The following ALPK2 variants were observed in gnomAD, a reference collection of about 807,000 sequenced individuals.
ALPK2 encodes alpha-protein kinase 2.
A neutral mutation model predicts 163.1 loss-of-function variants in ALPK2; 127 were observed. The observed-to-expected ratio is 0.78, with a 90% CI of 0.67 to 0.90. The LOEUF (loss-of-function observed/expected upper bound fraction) is 0.90. ALPK2 is among the 40% of genes least tolerant of loss of function. The probability of loss-of-function intolerance (pLI) is 0.00; values close to 1 mark genes in which losing one functional copy is unlikely to be tolerated. For synonymous variants in ALPK2, 953 were observed against 959.1 expected, an observed-to-expected ratio of 0.99 and a Z score of 0.12; for missense variants, 2,360 against 2,589.6, an observed-to-expected ratio of 0.91 and a Z score of 1.92.
intron 4 of ALPK2, among the ~76,000 whole-genome samples, chr18:58,559,245 G>A (rs1225863713): frequency 6.6e-6 from 1 of 152,186 alleles, no homozygotes; most frequent in Non-Finnish European, 1.5e-5. Context: ...CTGGGGTTGG[G>A]GTGAGGGGAA....
chr18:58,520,694 G>T (rs1160117615), intron 8 of ALPK2, among the ~76,000 whole-genome samples: 3 of 152,062 alleles, frequency 2.0e-5, no homozygotes, highest in African/African-American at 4.8e-5. Flanking sequence ...GGCTTCATTT[G>T]GTCCATCATT....
Position 58,536,435 on chromosome 18 carries a change from G to T in ALPK2, c.3752C>A (p.Pro1251Gln). ...LEASASEIWP[P>Q]RQLTNSESKA... ...GCTCTCAGAATTTGTCAGTTGTCGT[G>T]GTGGCCAGATTTCAGAAGCGGAAGC... Residue 1251 changes from proline (P) to glutamine (Q), a missense_variant, in exon 5 of 13, where the codon CCA becomes CAA. By Grantham distance (76) the Pro-to-Gln change is moderately conservative. Transcript: ENST00000361673. 1 of 1,614,112 alleles carries T rather than the reference G, an allele frequency of 6.2e-7. No homozygotes were observed. Among genetic ancestry groups the T allele is most frequent in the Non-Finnish European group, 8.5e-7 (1 of 1,180,028 alleles).
chr18:58,579,794 C>T lies in ALPK2; in HGVS notation c.982G>A (p.Glu328Lys). The T allele has an allele frequency of 1.2e-6, 2 of 1,614,210 alleles. No individual in the cohort carries two copies. Among genetic ancestry groups the T allele is most frequent in the Non-Finnish European group, 1.7e-6 (2 of 1,180,028 alleles). Residue 328 changes from glutamate (E) to lysine (K), a missense_variant, in exon 4 of 13, where the codon GAG becomes AAG. Coordinates refer to ENST00000361673, the MANE Select transcript of ALPK2 (RefSeq NM_052947.4). The stretch of plus-strand genomic sequence containing the variant: ...ATAACATCAGAACATTCCAGATACT[C>T]CAGGTCATCATCTGAAAACTCCTCG... The part of the protein sequence containing the change: ...YTEEFSDDDL[E>K]YLECSDVMTD...
At chr18:58,610,613 G>A (rs1774743225) in intron 2 of ALPK2, among the ~76,000 whole-genome samples, 1 of 152,122 alleles carries the variant, frequency 6.6e-6, no homozygotes, top group South Asian at 2.1e-4. Context: ...CCTGAAGAAG[G>A]CGTGCAGAGG....
intron 3 of ALPK2, among the ~76,000 whole-genome samples, chr18:58,591,072 G>C (rs1371672493): frequency 6.6e-5 from 10 of 152,200 alleles, no homozygotes; most frequent in Non-Finnish European, 1.5e-4. Flanking sequence ...CAGAGGTCCA[G>C]TTTCTGCTCT....
At chr18:58,608,395 C>A in intron 2 of ALPK2, among the ~76,000 whole-genome samples, 1 of 152,188 alleles carries the variant, frequency 6.6e-6, no homozygotes, top group East Asian at 1.9e-4. Context: ...TCCGGTAAAA[C>A]CTCCGGGAAT....
intron 12 of ALPK2, among the ~76,000 whole-genome samples, chr18:58,495,471 G>T (rs960456569): frequency 2.6e-5 from 4 of 152,030 alleles, no homozygotes; most frequent in Non-Finnish European, 4.4e-5. Flanking sequence ...AGCTGTCCCG[G>T]GCCAGATAAG....
At chr18:58,585,948 T>G (rs2051984878) in intron 3 of ALPK2, among the ~76,000 whole-genome samples, 1 of 152,212 alleles carries the variant, frequency 6.6e-6, no homozygotes, top group East Asian at 1.9e-4. Flanking sequence ...CCTCCCAAAG[T>G]GCTGGGATTA....
At chr18:58,541,209 C>A (rs1173673239) in intron 4 of ALPK2, among the ~76,000 whole-genome samples, 2 of 152,240 alleles carry the variant, frequency 1.3e-5, no homozygotes, top group Non-Finnish European at 2.9e-5. Flanking sequence ...TCTGGAGAGG[C>A]CTCAGGGAAC....
intron 3 of ALPK2, among the ~76,000 whole-genome samples, chr18:58,603,131 T>C: frequency 6.6e-6 from 1 of 152,230 alleles, no homozygotes; most frequent in East Asian, 1.9e-4. Flanking sequence ...TCTTTTACTT[T>C]CTTAATAAAC....
At chr18:58,495,808 A>G (rs1568065880) in intron 12 of ALPK2, among the ~76,000 whole-genome samples, 1 of 152,074 alleles carries the variant, frequency 6.6e-6, no homozygotes, top group East Asian at 1.9e-4. Context: ...TAACTGGGGG[A>G]ATACTCAGGG....
intron 7 of ALPK2, 33 bp downstream of exon 7, chr18:58,523,902 G>T: frequency 1.2e-6 from 2 of 1,614,154 alleles, no homozygotes; most frequent in Non-Finnish European, 1.7e-6. Context: ...ACGGGCAGGG[G>T]CCAGTGGTTT....
chr18:58,587,902 A>T (rs193129855), intron 3 of ALPK2, among the ~76,000 whole-genome samples: 126 of 152,346 alleles, frequency 8.3e-4, no homozygotes, highest in African/African-American at 2.8e-3. Context: ...CACTGGCAAC[A>T]AATACTTTTA....
chr18:58,543,431 G>C, intron 4 of ALPK2: 1 of 985,134 alleles, frequency 1.0e-6, no homozygotes, highest in Non-Finnish European at 1.2e-6. Context: ...CGTTGATACA[G>C]GCAGGAGGCT....
At chr18:58,620,070 C>G (rs1383537685) in intron 1 of ALPK2, among the ~76,000 whole-genome samples, 1 of 152,186 alleles carries the variant, frequency 6.6e-6, no homozygotes, top group Non-Finnish European at 1.5e-5. Flanking sequence ...GTGGGCAGAT[C>G]GCCTGAGGTC....
Position 58,528,726 on chromosome 18 carries a change from C to T in ALPK2, c.5501+365G>A, listed in dbSNP as rs141764235. 454 of 226,550 alleles carry T rather than the reference C, an allele frequency of 2.0e-3. 2 individuals carry two copies. Among genetic ancestry groups the T allele is most frequent in the African/African-American group, 0.01 (431 of 42,500 alleles). 14.0% of individuals were successfully genotyped at this position (226,550 alleles called of 1,614,324 possible). The stretch of plus-strand genomic sequence containing the variant: ...TACTGGGAATTTATGAAACAGAAAA[C>T]ACACCCAAGTTAAATTCACAGACAT... On this transcript the variant is annotated intron_variant, in intron 6 of 12. Transcript: ENST00000361673.
chr18:58,490,762 A>C (rs1394793055), intron 12 of ALPK2, among the ~76,000 whole-genome samples: 2 of 152,188 alleles, frequency 1.3e-5, no homozygotes, highest in Non-Finnish European at 2.9e-5. Context: ...GTACATTTGC[A>C]CAGTTTCTAC....
chr18:58,491,609 T>C (rs921782165), intron 12 of ALPK2, among the ~76,000 whole-genome samples: 1 of 152,118 alleles, frequency 6.6e-6, no homozygotes, highest in African/African-American at 2.4e-5. Flanking sequence ...CGATTTCGTC[T>C]CCCACCTGAC....
intron 4 of ALPK2, among the ~76,000 whole-genome samples, chr18:58,561,164 A>G (rs576174264): frequency 6.6e-6 from 1 of 152,204 alleles, no homozygotes; most frequent in African/African-American, 2.4e-5. Context: ...CAAGGAATAT[A>G]AAATCTAGCA....
Sources: gnomAD v4.1 joint callset for allele counts (sites outside exome capture counted in the v4.1 genomes callset) on GRCh38, gnomAD v4.1.1 for gene constraint, MANE v1.5 for transcripts, NCBI Gene and HGNC (gene_info 2026-07-23, HGNC 2026-07-21) for gene names.